Variants in SH3D21 observed in about 807,000 individuals in gnomAD.
The protein encoded by SH3D21 is manchette microtubule inner protein 1.
A neutral mutation model predicts 82.1 loss-of-function variants in SH3D21; 83 were observed. That is an observed-to-expected ratio of 1.01 (90% CI 0.85 to 1.21). SH3D21 has a LOEUF of 1.21. Ranked by LOEUF, SH3D21 falls within the 50% of genes most tolerant of loss-of-function variation. The probability of loss-of-function intolerance (pLI) is 0.00; values close to 1 mark genes in which losing one functional copy is unlikely to be tolerated. For missense variants in SH3D21, 980 were observed against 962.1 expected, an observed-to-expected ratio of 1.02 and a Z score of -0.25; for synonymous variants, 383 against 387.8, an observed-to-expected ratio of 0.99 and a Z score of 0.15.
chr1:36,308,330 C>T (rs1457027090), intron 8 of SH3D21, 59 bp from the exon 9 acceptor site: 6 of 1,513,254 alleles, frequency 4.0e-6, no homozygotes, highest in Middle Eastern at 1.7e-4. Context: ...AGGAGTGGGA[C>T]CCCGGAAAGG....
At chr1:36,321,790 G>A (rs920566048), downstream of SH3D21, 40 of 1,002,676 alleles carry the variant, frequency 4.0e-5, no homozygotes, top group Non-Finnish European at 4.6e-5. This position sits in a 1 kb window ranked among gnomAD's most constrained non-coding sequence, Gnocchi z 6.1. Flanking sequence ...TAAGGAATGC[G>A]TTTTGAATAA....
chr1:36,312,895 G>C (rs1196976153), intron 10 of SH3D21, among the ~76,000 whole-genome samples: 1 of 152,000 alleles, frequency 6.6e-6, no homozygotes, highest in Non-Finnish European at 1.5e-5. Flanking sequence ...TGTATTTTTA[G>C]TAGAGACAGG....
downstream of SH3D21, chr1:36,322,800 T>G: frequency 2.0e-6 from 3 of 1,503,804 alleles, no homozygotes; most frequent in Non-Finnish European, 2.7e-6. Context: ...AGACCCCAGG[T>G]TCTAGGTGTG....
chr1:36,321,005 G>T lies in SH3D21; in HGVS notation c.2199+27G>T, dbSNP rs754797056. On this transcript the variant is annotated intron_variant, in intron 15 of 15. Coordinates refer to ENST00000453908, the MANE Select transcript of SH3D21 (RefSeq NM_001162530.2). The surrounding 1 kb of genome is among the most constrained non-coding windows in gnomAD (Gnocchi z 6.1). ...TGAGGCGCGGGTCCCGGCGGGAGGG[G>T]GCTGACGGCGAGTGGCCCCCTGACA... 34 of 1,576,308 alleles carry T rather than the reference G, an allele frequency of 2.2e-5. No individual in the cohort carries two copies. The highest frequency in any genetic ancestry group is 2.5e-5 in the Non-Finnish European group (29 of 1,161,848).
At chr1:36,328,876 C>G (rs545061731), downstream of SH3D21, 3 of 152,574 alleles carry the variant, frequency 2.0e-5, no homozygotes, top group Non-Finnish European at 4.4e-5. Flanking sequence ...CTCCGCCCTT[C>G]AGTCTTCCCA....
chr1:36,307,186 G>C lies in SH3D21; in HGVS notation c.246G>C (p.Pro82=). Residue 82 remains proline, a synonymous_variant, in exon 4 of 16, where the codon CCG becomes CCC. Coordinates refer to ENST00000453908, the MANE Select transcript of SH3D21 (RefSeq NM_001162530.2). This position sits in a 1 kb window ranked among gnomAD's most constrained non-coding sequence, Gnocchi z 5.4. ...TGCTAGGTCATCCTGCCAAACACCC[G>C]AGGCCCCAAAGATGGTGCAAAGTGA... ...ARRRGHPAKH[P]RPQRWCKVNF... 1 of 1,551,708 alleles carries C rather than the reference G, an allele frequency of 6.4e-7. No individual in the cohort carries two copies. The highest frequency in any genetic ancestry group is 8.7e-7 in the Non-Finnish European group (1 of 1,146,978).
At position 36,319,120 on chromosome 1, in the gene SH3D21, A is replaced by G. The variant is rs1250395273; in HGVS notation, c.819A>G (p.Thr273=). 1 of 1,551,596 alleles carries G rather than the reference A, an allele frequency of 6.4e-7. No homozygotes were observed. The highest frequency in any genetic ancestry group is 8.7e-7 in the Non-Finnish European group (1 of 1,146,920). The part of the protein sequence containing the change: ...KKLMPKTSLP[T]VKKLATATTG... Reference sequence around the variant, plus strand: ...TGATGCCCAAAACATCCCTCCCCACAGTCAAGAAGCTAGCAACAGCCACCA... The same window carrying G: ...TGATGCCCAAAACATCCCTCCCCACGGTCAAGAAGCTAGCAACAGCCACCA... The change falls in exon 11 of 16, where the codon ACA becomes ACG. Residue 273 remains threonine, a synonymous_variant. Coordinates refer to ENST00000453908, the MANE Select transcript of SH3D21 (RefSeq NM_001162530.2).
At chr1:36,327,459 C>T (rs781424759), downstream of SH3D21, among the ~76,000 whole-genome samples, 2 of 152,242 alleles carry the variant, frequency 1.3e-5, no homozygotes, top group Non-Finnish European at 2.9e-5. Context: ...TGAGAGTCCA[C>T]ATGTGTGCTC....
chr1:36,325,386 A>G (rs1239535006), downstream of SH3D21, among the ~76,000 whole-genome samples: 1 of 152,234 alleles, frequency 6.6e-6, no homozygotes, highest in Non-Finnish European at 1.5e-5. Flanking sequence ...TAATCAAGAG[A>G]TGATTTAAAG....
At chr1:36,315,568 C>A (rs930588894) in intron 10 of SH3D21, among the ~76,000 whole-genome samples, 1 of 152,012 alleles carries the variant, frequency 6.6e-6, no homozygotes, top group Non-Finnish European at 1.5e-5. Flanking sequence ...AGGCTGGTCT[C>A]GAACTCCTGA....
downstream of SH3D21, chr1:36,321,354 C>T (rs1340361393): frequency 7.8e-6 from 11 of 1,407,828 alleles, no homozygotes; most frequent in Non-Finnish European, 1.0e-5. The surrounding 1 kb of genome is among the most constrained non-coding windows in gnomAD (Gnocchi z 6.1). Context: ...GTTCCCAAGG[C>T]CTGCGCGCGG....
chr1:36,308,818 A>C (rs1646182295), intron 9 of SH3D21, among the ~76,000 whole-genome samples: 1 of 152,106 alleles, frequency 6.6e-6, no homozygotes, highest in Non-Finnish European at 1.5e-5. Flanking sequence ...CCCCATCTTT[A>C]CTAAAAATAC....
At chr1:36,317,406 A>T (rs1016422709) in intron 10 of SH3D21, among the ~76,000 whole-genome samples, 2 of 152,182 alleles carry the variant, frequency 1.3e-5, no homozygotes, top group African/African-American at 4.8e-5. Context: ...TATATGTAGG[A>T]GTTAACATCA....
chr1:36,321,880 A>G (rs984343693), downstream of SH3D21: 2 of 1,038,408 alleles, frequency 1.9e-6, no homozygotes, highest in Non-Finnish European at 2.3e-6. This position sits in a 1 kb window ranked among gnomAD's most constrained non-coding sequence, Gnocchi z 6.1. Flanking sequence ...CTGTGAAGTG[A>G]ATGCGGGCAG....
At chr1:36,316,738 C>T (rs954195867) in intron 10 of SH3D21, among the ~76,000 whole-genome samples, 8 of 151,618 alleles carry the variant, frequency 5.3e-5, no homozygotes, top group Admixed American at 3.9e-4. Context: ...TCCCTCCCTC[C>T]GCCTTTCTGG....
Position 36,308,412 on chromosome 1 carries a change from G to A in SH3D21, c.663G>A (p.Trp221Ter), listed in dbSNP as rs777787345. The A allele has an allele frequency of 5.2e-6, 8 of 1,551,946 alleles. No individual in the cohort carries two copies. The South Asian group carries it at 9.5e-5, about 18-fold the overall frequency. Residue 221 changes from tryptophan to a stop codon, truncating the protein, a stop_gained, in exon 9 of 16, where the codon TGG becomes TGA. Coordinates refer to ENST00000453908, the MANE Select transcript of SH3D21 (RefSeq NM_001162530.2). LOFTEE classifies it high-confidence loss of function. ...LSKTTEDKGW[W>*]EGECQGRRGV... is the part of the protein sequence containing the mutation. ...AGACCACAGAGGATAAGGGCTGGTG[G>A]GAAGGAGAGTGTCAAGGACGAAGAG...
At chr1:36,326,911 C>T (rs540337124), downstream of SH3D21, among the ~76,000 whole-genome samples, 1 of 152,242 alleles carries the variant, frequency 6.6e-6, no homozygotes, top group East Asian at 1.9e-4. Context: ...CTTGAAATGT[C>T]CATTAGATAT....
chr1:36,323,000 T>C, downstream of SH3D21: 1 of 1,605,408 alleles, frequency 6.2e-7, no homozygotes, highest in Non-Finnish European at 8.5e-7. Context: ...AGCCAGGCTG[T>C]TGCTGAGCAA....
Position 36,320,580 on chromosome 1 carries a change from A to C in SH3D21, c.1917A>C (p.Glu639Asp). 6.2e-7 allele frequency: 1 copy of C among 1,614,182 alleles called. No individual in the cohort carries two copies. The highest frequency in any genetic ancestry group is 1.1e-5 in the South Asian group (1 of 91,088). Residue 639 changes from glutamate (E) to aspartate (D), a missense_variant, in exon 14 of 16, where the codon GAA becomes GAC. Coordinates refer to ENST00000453908, the MANE Select transcript of SH3D21 (RefSeq NM_001162530.2). The stretch of plus-strand genomic sequence containing the variant: ...AAGAGGAATTGCCCCCTAAAGAGGA[A>C]GTGGCTCCAAAAGAGGAGGTGCCCC... ...TLKEELPPKEEVAPKEEVPPI... is the reference protein window; with the variant it reads ...TLKEELPPKEDVAPKEEVPPI...
Sources: allele counts gnomAD v4.1 joint callset (sites outside exome capture counted in the v4.1 genomes callset), GRCh38; gene constraint gnomAD v4.1.1; non-coding constraint Gnocchi (gnomAD v3.1); transcripts MANE v1.5; gene names NCBI Gene and HGNC (gene_info 2026-07-23, HGNC 2026-07-21).